NEXN: variants seen among roughly 807,000 people sequenced by gnomAD.
The protein encoded by NEXN is nexilin.
In NEXN, 65 loss-of-function variants were observed where a neutral mutation model predicts 92.6. That is an observed-to-expected ratio of 0.70 (90% CI 0.57 to 0.86). The LOEUF is 0.86. NEXN is among the 40% of genes least tolerant of loss of function. The probability of loss-of-function intolerance (pLI) is 0.00; values close to 1 mark genes in which losing one functional copy is unlikely to be tolerated. For synonymous variants in NEXN, 254 were observed against 242.5 expected (o/e 1.05, Z -0.44); for missense variants, 778 against 771.1 (o/e 1.01, Z -0.11).
chr1:77,935,751 A>C, intron 10 of NEXN, 72 bp from the exon 11 acceptor site: 1 of 1,408,882 alleles, frequency 7.1e-7, no homozygotes, highest in Non-Finnish European at 9.9e-7. Flanking sequence ...ACAGGAATTC[A>C]AGGCCAGCCT....
At chr1:77,929,024 G>C (rs1280158259) in intron 8 of NEXN, among the ~76,000 whole-genome samples, 10 of 152,150 alleles carry the variant, frequency 6.6e-5, no homozygotes, top group African/African-American at 2.2e-4. Flanking sequence ...GGAATTACAG[G>C]CGTGAGCCGC....
intron 1 of NEXN, among the ~76,000 whole-genome samples, chr1:77,900,547 TACAG>T (rs1306298074): frequency 6.6e-6 from 1 of 152,216 alleles, no homozygotes; most frequent in Non-Finnish European, 1.5e-5. Context: ...GTATTGTAAA[TACAG>T]ACCTCATCTG....
intron 1 of NEXN, among the ~76,000 whole-genome samples, chr1:77,908,635 G>C (rs1349653680): frequency 6.6e-6 from 1 of 151,668 alleles, no homozygotes; most frequent in East Asian, 1.9e-4. Context: ...CCTGAACTCA[G>C]GTGATCTGCC....
At position 77,942,647 on chromosome 1, in the gene NEXN, T is replaced by A; in HGVS notation, c.1846T>A (p.Trp616Arg). Residue 616 changes from tryptophan to arginine, a missense_variant, in exon 13 of 13, where the codon TGG (tryptophan) becomes AGG (arginine). By Grantham distance (101) the Trp-to-Arg change is moderately radical. Transcript: ENST00000334785. ...TGEPKPEITW[W>R]FEGEILQDGE... ...AGAACCCAAACCAGAAATTACATGG[T>A]GGTTTGAAGGAGAAATACTGCAGGA... 1.2e-6 allele frequency: 2 copies of A among 1,613,658 alleles called. No individual in the cohort carries two copies. The highest frequency in any genetic ancestry group is 3.3e-5 in the Admixed American group (2 of 59,976).
intron 5 of NEXN, among the ~76,000 whole-genome samples, chr1:77,918,830 C>T (rs981211901): frequency 1.3e-5 from 2 of 152,210 alleles, no homozygotes; most frequent in Middle Eastern, 3.2e-3. Flanking sequence ...ACATTCCTCA[C>T]CCCGTCTACA....
chr1:77,934,011 A>G (rs375912985), intron 10 of NEXN, among the ~76,000 whole-genome samples: 2 of 114,324 alleles, frequency 1.7e-5, no homozygotes, highest in Non-Finnish European at 3.4e-5. Context: ...CTAATTTTTA[A>G]TTTTTTTTTT....
chr1:77,897,813 C>T (rs1397820763), intron 1 of NEXN, among the ~76,000 whole-genome samples: 7 of 152,276 alleles, frequency 4.6e-5, no homozygotes, highest in Non-Finnish European at 7.4e-5. Context: ...TCAGCAAAGT[C>T]TCAGGATACA....
intron 11 of NEXN, chr1:77,941,781 C>G: frequency 2.0e-6 from 1 of 495,422 alleles, no homozygotes; most frequent in Non-Finnish European, 3.7e-6. Flanking sequence ...GGCTAGGATC[C>G]CAGTGATATT....
chr1:77,903,799 C>T (rs1478596140), intron 1 of NEXN, among the ~76,000 whole-genome samples: 1 of 151,920 alleles, frequency 6.6e-6, no homozygotes, highest in Non-Finnish European at 1.5e-5. Flanking sequence ...ATGGTGTGTG[C>T]CTGTAGTTTC....
chr1:77,929,212 G>A, intron 8 of NEXN, 104 bp from the exon 9 acceptor site: 1 of 772,574 alleles, frequency 1.3e-6, no homozygotes. Context: ...TAAGGGCATT[G>A]AAACTCCTGT....
At chr1:77,894,626 A>G (rs970692974) in intron 1 of NEXN, among the ~76,000 whole-genome samples, 17 of 151,880 alleles carry the variant, frequency 1.1e-4, no homozygotes, top group African/African-American at 3.9e-4. Flanking sequence ...TTTTTTGTAG[A>G]GATGGGGTTT....
At chr1:77,902,686 T>A (rs1647817432) in intron 1 of NEXN, among the ~76,000 whole-genome samples, 1 of 152,210 alleles carries the variant, frequency 6.6e-6, no homozygotes, top group Non-Finnish European at 1.5e-5. Flanking sequence ...TTTCAGTTTG[T>A]ATGCCTGAAA....
At chr1:77,931,274 C>T (rs1228991571) in intron 9 of NEXN, among the ~76,000 whole-genome samples, 3 of 144,566 alleles carry the variant, frequency 2.1e-5, no homozygotes, top group African/African-American at 5.2e-5. Flanking sequence ...ATTAGCCGGG[C>T]GTGTTGGCGG....
chr1:77,935,327 T>C (rs1650661557), intron 10 of NEXN, among the ~76,000 whole-genome samples: 1 of 152,164 alleles, frequency 6.6e-6, no homozygotes, highest in African/African-American at 2.4e-5. Context: ...CGTGAGCCAC[T>C]GCACCCAGCC....
chr1:77,890,387 T>C (rs1022394079), intron 1 of NEXN, among the ~76,000 whole-genome samples: 25 of 152,298 alleles, frequency 1.6e-4, no homozygotes, highest in African/African-American at 6.0e-4. Flanking sequence ...TTAAAATCCA[T>C]TTTCAATTGA....
At chr1:77,920,689 A>G (rs1437104943) in intron 5 of NEXN, among the ~76,000 whole-genome samples, 1 of 151,896 alleles carries the variant, frequency 6.6e-6, no homozygotes, top group Non-Finnish European at 1.5e-5. Flanking sequence ...TGGATGTTAG[A>G]ATCAATTTGG....
rs933097456 is a variant in NEXN at position 77,943,589 on chromosome 1, A to G, written c.*760A>G. The G allele has an allele frequency of 2.0e-5, 3 of 152,080 alleles. No individual in the cohort carries two copies. Among genetic ancestry groups the G allele is most frequent in the East Asian group, 3.8e-4 (2 of 5,208 alleles). The allele number at this position is 152,080 out of a possible 1,614,324, so 9.4% of individuals were successfully genotyped here. A position where few individuals can be genotyped will look rare whatever the true frequency, so the allele number is the denominator to read the frequency against. ...GTTATTTTTCAAACGTATGTAATAT[A>G]TATTAAATTTATAAAGCAAATTTAT... On this transcript the variant is annotated 3_prime_UTR_variant, in exon 13 of 13. Transcript: ENST00000334785.
intron 9 of NEXN, among the ~76,000 whole-genome samples, chr1:77,930,105 A>G (rs1650171458): frequency 6.6e-6 from 1 of 152,196 alleles, no homozygotes; most frequent in South Asian, 2.1e-4. Flanking sequence ...AACAATTTTG[A>G]AGCAATTTGA....
chr1:77,934,011 A>ATTTTT lies in NEXN; in HGVS notation c.1251+544_1251+548dup, dbSNP rs71075780. ...CAGCACCATGTCTGGCTAATTTTTA[A>ATTTTT]TTTTTTTTTTTTTTTTGAGATGGAG... On this transcript the variant is annotated intron_variant, in intron 10 of 12. Transcript: ENST00000334785. Among the ~76,000 whole-genome samples, 287 of 114,312 alleles carry ATTTTT rather than the reference A, an allele frequency of 2.5e-3. 24 individuals are homozygous for ATTTTT. The highest frequency in any genetic ancestry group is 5.3e-3 in the East Asian group (21 of 4,000). The allele number at this position is 114,312 out of a possible 152,430, so 75.0% of individuals were successfully genotyped here. A position where few individuals can be genotyped will look rare whatever the true frequency, so the allele number is the denominator to read the frequency against.
Sources: allele counts gnomAD v4.1 joint callset (sites outside exome capture counted in the v4.1 genomes callset), GRCh38; gene constraint gnomAD v4.1.1; transcripts MANE v1.5; gene names NCBI Gene and HGNC (gene_info 2026-07-23, HGNC 2026-07-21).